LEPR: variants seen among roughly 807,000 people sequenced by gnomAD.
LEPR encodes the protein leptin receptor.
LEPR carries 56 observed loss-of-function variants against 114.7 expected under a neutral mutation model. The ratio of observed to expected loss-of-function variants is 0.49; its 90% confidence interval spans 0.39 to 0.61. The LOEUF (loss-of-function observed/expected upper bound fraction) is 0.61. LEPR is among the 20% of genes least tolerant of loss of function. The pLI is 0.00. For synonymous variants in LEPR, 443 were observed against 461.4 expected (o/e 0.96, Z 0.51); for missense variants, 1,202 against 1,352.9 (o/e 0.89, Z 1.75).
intron 2 of LEPR, chr1:65,430,203 A>G: frequency 3.6e-6 from 2 of 556,652 alleles, no homozygotes; most frequent in Middle Eastern, 2.9e-4. Flanking sequence ...CCTGCCTAAC[A>G]GTAGTTCGGC....
intron 2 of LEPR, among the ~76,000 whole-genome samples, chr1:65,499,099 A>G (rs953949821): frequency 6.6e-6 from 1 of 152,142 alleles, no homozygotes; most frequent in Admixed American, 6.6e-5. Flanking sequence ...AGCAGCATTC[A>G]CTTTACAGAG....
chr1:65,622,977 A>G lies in LEPR; in HGVS notation c.2669A>G (p.Gln890Arg), dbSNP rs1445076225. 1 of 1,613,776 alleles carries G rather than the reference A, an allele frequency of 6.2e-7. No individual in the cohort carries two copies. The highest frequency in any genetic ancestry group is 1.3e-5 in the African/African-American group (1 of 74,930). ...NCSWAQGLNF[Q>R]KPETFEHLFI... is the part of the protein sequence containing the mutation. ...TCCTGGGCACAAGGACTTAATTTTC[A>G]GAAGGTTGCTTTTTCAATTTTTTTT... The change falls in exon 19 of 20, where the codon CAG becomes CGG. Residue 890 changes from glutamine (Q) to arginine (R), a missense_variant. By Grantham distance (43) the Gln-to-Arg change is conservative. Transcript: ENST00000349533.
At chr1:65,550,952 C>T (rs144741003) in intron 2 of LEPR, among the ~76,000 whole-genome samples, 341 of 152,044 alleles carry the variant, frequency 2.2e-3, no homozygotes, top group Middle Eastern at 0.01. Flanking sequence ...TCCTATTCGG[C>T]CACCTTGGCT....
chr1:65,548,998 G>A (rs1401968097), intron 2 of LEPR, among the ~76,000 whole-genome samples: 1 of 152,004 alleles, frequency 6.6e-6, no homozygotes, highest in Non-Finnish European at 1.5e-5. Flanking sequence ...TTTCAGGGCA[G>A]GCCTGGTGGT....
intron 2 of LEPR, among the ~76,000 whole-genome samples, chr1:65,504,159 C>A (rs779968414): frequency 6.6e-6 from 1 of 152,082 alleles, no homozygotes; most frequent in Non-Finnish European, 1.5e-5. Flanking sequence ...ATAAATATTC[C>A]TGTCTACACT....
At chr1:65,450,866 T>C (rs1449893094) in intron 2 of LEPR, among the ~76,000 whole-genome samples, 2 of 151,800 alleles carry the variant, frequency 1.3e-5, no homozygotes, top group East Asian at 3.9e-4. Context: ...ACTTCCACAA[T>C]GGTTGAACTA....
chr1:65,606,984 G>A (rs1371416351), intron 11 of LEPR, among the ~76,000 whole-genome samples: 1 of 152,186 alleles, frequency 6.6e-6, no homozygotes, highest in Non-Finnish European at 1.5e-5. Flanking sequence ...TTTTTGGCAA[G>A]TGAGACTTGG....
chr1:65,533,220 CAGAT>C (rs1397681239), intron 2 of LEPR, among the ~76,000 whole-genome samples: 1 of 152,062 alleles, frequency 6.6e-6, no homozygotes, highest in Non-Finnish European at 1.5e-5. Flanking sequence ...TATATGGAGA[CAGAT>C]AGTCATACAT....
At position 65,488,827 on chromosome 1, in the gene LEPR, T is replaced by G. The variant is rs867028262; in HGVS notation, c.-21+63449T>G. On this transcript the variant is annotated intron_variant, in intron 2 of 19. Coordinates refer to ENST00000349533, the MANE Select transcript of LEPR (RefSeq NM_002303.6). Reference sequence around the variant, plus strand: ...TACTCTCTATCTCAATGGGTTCAATTGCTTTAACTTTTAGCTCCCACATGT... The same window carrying G: ...TACTCTCTATCTCAATGGGTTCAATGGCTTTAACTTTTAGCTCCCACATGT... Among the ~76,000 whole-genome samples the G allele has an allele frequency of 2.0e-5, 3 of 152,088 alleles. No individual in the cohort carries two copies. The South Asian group carries it at 6.2e-4, about 32-fold the overall frequency.
chr1:65,565,617 G>T lies in LEPR; in HGVS notation c.40+12G>T, dbSNP rs1341345616. On this transcript the variant is annotated intron_variant, in intron 3 of 19. Coordinates refer to ENST00000349533, the MANE Select transcript of LEPR (RefSeq NM_002303.6). Reference sequence around the variant, plus strand: ...TTTGTTACATTGGGGTAAGTTATTTGCTCATTTGCTGTTTTAATGCCCTTA... The same window carrying T: ...TTTGTTACATTGGGGTAAGTTATTTTCTCATTTGCTGTTTTAATGCCCTTA... The T allele has an allele frequency of 4.3e-6, 7 of 1,613,794 alleles. No homozygotes were observed. The highest frequency in any genetic ancestry group is 5.9e-6 in the Non-Finnish European group (7 of 1,179,878).
Position 65,570,681 on chromosome 1 carries a change from C to T in LEPR, c.249C>T (p.Ser83=). The part of the protein sequence containing the change: ...NSSGTHFSNL[S]KTTFHCCFRS... ...GTGGTACTCACTTTTCTAACTTATC[C>T]AAAACAACTTTCCACTGTTGCTTTC... Residue 83 remains serine (S), a synonymous_variant, in exon 4 of 20, where the codon TCC becomes TCT. Coordinates refer to ENST00000349533, the MANE Select transcript of LEPR (RefSeq NM_002303.6). 1 of 1,613,872 alleles carries T rather than the reference C, an allele frequency of 6.2e-7. No individual in the cohort carries two copies. The highest frequency in any genetic ancestry group is 1.7e-5 in the Admixed American group (1 of 60,016).
At chr1:65,475,191 C>T (rs1169327381) in intron 2 of LEPR, among the ~76,000 whole-genome samples, 1 of 152,084 alleles carries the variant, frequency 6.6e-6, no homozygotes, top group African/African-American at 2.4e-5. Context: ...CAAGTTAATA[C>T]TATAATTGAT....
chr1:65,545,997 A>T (rs1460739147), intron 2 of LEPR, among the ~76,000 whole-genome samples: 2 of 151,514 alleles, frequency 1.3e-5, no homozygotes, highest in Non-Finnish European at 2.9e-5. Flanking sequence ...AGGTGTAAGG[A>T]AGGGATCCAG....
chr1:65,584,548 AC>A (rs1334220381), intron 5 of LEPR, among the ~76,000 whole-genome samples: 1 of 152,078 alleles, frequency 6.6e-6, no homozygotes, highest in Non-Finnish European at 1.5e-5. Flanking sequence ...TGAGAAAGAA[AC>A]CTGGCTTCCC....
chr1:65,525,731 C>T, intron 2 of LEPR: 1 of 986,016 alleles, frequency 1.0e-6, no homozygotes, highest in Non-Finnish European at 1.2e-6. Context: ...GCAGAGCCCA[C>T]GGCCAGCCGA....
At chr1:65,480,393 C>T (rs116235213) in intron 2 of LEPR, among the ~76,000 whole-genome samples, 1 of 152,036 alleles carries the variant, frequency 6.6e-6, no homozygotes, top group Non-Finnish European at 1.5e-5. Context: ...GAACCAGGAG[C>T]TGCATGGAGA....
intron 2 of LEPR, among the ~76,000 whole-genome samples, chr1:65,488,810 A>T (rs1647715719): frequency 6.6e-6 from 1 of 151,256 alleles, no homozygotes; most frequent in Admixed American, 6.6e-5. Context: ...TCTACTCTCT[A>T]TCTCAATGGG....
intron 2 of LEPR, among the ~76,000 whole-genome samples, chr1:65,480,915 T>C (rs1007611071): frequency 6.6e-6 from 1 of 152,206 alleles, no homozygotes; most frequent in African/African-American, 2.4e-5. Context: ...ACAACTAGCT[T>C]ACACTCCAAT....
chr1:65,530,162 A>C (rs1208122233), intron 2 of LEPR, among the ~76,000 whole-genome samples: 1 of 152,122 alleles, frequency 6.6e-6, no homozygotes, highest in Non-Finnish European at 1.5e-5. Context: ...AGTCTTCCTC[A>C]TCTCCATCTT....
Sources: gnomAD v4.1 joint callset for allele counts (sites outside exome capture counted in the v4.1 genomes callset) on GRCh38, gnomAD v4.1.1 for gene constraint, MANE v1.5 for transcripts, NCBI Gene and HGNC (gene_info 2026-07-23, HGNC 2026-07-21) for gene names.